Variants in SEMA6A observed in about 807,000 individuals in gnomAD.
SEMA6A encodes the protein semaphorin 6A.
SEMA6A carries 25 observed loss-of-function variants against 96.8 expected under a neutral mutation model. That is an observed-to-expected ratio of 0.26 (90% CI 0.19 to 0.36). The LOEUF (loss-of-function observed/expected upper bound fraction) is 0.36, where lower values mean the gene tolerates loss of function less well. Among genes scored for constraint, SEMA6A ranks in the 10% least tolerant of loss-of-function variants. The pLI, the probability that SEMA6A is intolerant of heterozygous loss-of-function variation, is 1.00. For synonymous variants in SEMA6A, 612 were observed against 518.0 expected (o/e 1.18, Z -2.46); for missense variants, 1,363 against 1,323.1 (o/e 1.03, Z -0.47).
At chr5:116,477,759 GGT>G in intron 15 of SEMA6A, 85 bp downstream of exon 15, 1 of 1,287,478 alleles carries the variant, frequency 7.8e-7, no homozygotes, top group Non-Finnish European at 1.1e-6. Flanking sequence ...GCTGTGTGGT[GGT>G]GTGTGTGAGC....
At position 116,444,473 on chromosome 5, in the gene SEMA6A, G is replaced by T. The variant is rs1396790455; in HGVS notation, c.*2140C>A. 1 of 152,242 alleles carries T rather than the reference G, an allele frequency of 6.6e-6. No individual in the cohort carries two copies. The highest frequency in any genetic ancestry group is 6.5e-5 in the Admixed American group (1 of 15,270). 9.4% of individuals were successfully genotyped at this position (152,242 alleles called of 1,614,324 possible). A position where few individuals can be genotyped will look rare whatever the true frequency, so the allele number is the denominator to read the frequency against. On this transcript the variant is annotated 3_prime_UTR_variant, in exon 19 of 19. Transcript: ENST00000343348. The stretch of plus-strand genomic sequence containing the variant: ...CCAGAAGATCGAACTGGAAATAAAA[G>T]CAGACAAAGAGACCACCAAATATAC...
At chr5:116,470,102 C>T (rs943783458) in intron 17 of SEMA6A, among the ~76,000 whole-genome samples, 2 of 152,080 alleles carry the variant, frequency 1.3e-5, no homozygotes, top group Admixed American at 1.3e-4. Context: ...GAAAGCAATA[C>T]CTGACTCTCA....
At chr5:116,557,901 G>A (rs1760670042) in intron 1 of SEMA6A, among the ~76,000 whole-genome samples, 1 of 152,176 alleles carries the variant, frequency 6.6e-6, no homozygotes. Context: ...TTAGAAACAA[G>A]CGATAGCACA....
At chr5:116,466,290 A>C (rs949755585) in intron 18 of SEMA6A, among the ~76,000 whole-genome samples, 1 of 151,696 alleles carries the variant, frequency 6.6e-6, no homozygotes, top group African/African-American at 2.4e-5. Flanking sequence ...AGGCAGGGAG[A>C]ATCTCTTCAA....
At chr5:116,570,886 T>G (rs1472008067) in intron 1 of SEMA6A, among the ~76,000 whole-genome samples, 2 of 152,238 alleles carry the variant, frequency 1.3e-5, no homozygotes, top group Non-Finnish European at 1.5e-5. Context: ...CATTTTTATT[T>G]GGTGAAGATA....
At chr5:116,507,873 TATA>T (rs1217892721) in intron 1 of SEMA6A, among the ~76,000 whole-genome samples, 1 of 152,248 alleles carries the variant, frequency 6.6e-6, no homozygotes, top group African/African-American at 2.4e-5. Flanking sequence ...ACTACAAAGT[TATA>T]ATCCTAATTT....
rs1754268897 is a variant in SEMA6A at position 116,447,106 on chromosome 5, C to T, written c.2600G>A (p.Gly867Glu). ...EHLSSKSPNH[G>E]VNLVENLDSL... The stretch of plus-strand genomic sequence containing the variant: ...GTCCAGGTTCTCCACAAGGTTCACC[C>T]CATGGTTGGGACTCTTGCTGCTGAG... The change falls in exon 19 of 19, where the codon GGG becomes GAG. Residue 867 changes from glycine to glutamate, a missense_variant. This residue lies in a region of SEMA6A where 883 missense variants were observed against 763.6 expected (regional missense o/e 1.16). Coordinates refer to ENST00000343348, the MANE Select transcript of SEMA6A (RefSeq NM_020796.5). 1.2e-6 allele frequency: 2 copies of T among 1,613,794 alleles called. No individual in the cohort carries two copies. Among genetic ancestry groups the T allele is most frequent in the Admixed American group, 1.7e-5 (1 of 60,008 alleles).
intron 1 of SEMA6A, among the ~76,000 whole-genome samples, chr5:116,555,232 C>T (rs1760563550): frequency 1.3e-5 from 2 of 152,174 alleles, no homozygotes; most frequent in Admixed American, 1.3e-4. Context: ...CCAAAATTAA[C>T]TCTTGTTTGC....
chr5:116,510,727 A>G (rs906814055), intron 1 of SEMA6A, among the ~76,000 whole-genome samples: 2 of 151,780 alleles, frequency 1.3e-5, no homozygotes, highest in Non-Finnish European at 2.9e-5. Flanking sequence ...TCCCCCACCC[A>G]CTTCAAGTCA....
In SEMA6A at chr5:116,444,051, A is replaced by ACT. The variant is rs201219734; in HGVS notation, c.*2560_*2561dup. 2,062 of 152,146 alleles carry ACT rather than the reference A, an allele frequency of 0.014. 22 individuals carry two copies. Among genetic ancestry groups the ACT allele is most frequent in the Non-Finnish European group, 0.02 (1,382 of 68,002 alleles). The allele number at this position is 152,146 out of a possible 1,614,324, so 9.4% of individuals were successfully genotyped here. A position where few individuals can be genotyped will look rare whatever the true frequency, so the allele number is the denominator to read the frequency against. On this transcript the variant is annotated 3_prime_UTR_variant, in exon 19 of 19. Coordinates refer to ENST00000343348, the MANE Select transcript of SEMA6A (RefSeq NM_020796.5). ...CAATGATGGGTGCTGCACTGCCAGT[A>ACT]CTCTCGGGAGTCAAGCATGGGAAAG...
Position 116,446,606 on chromosome 5 carries a change from C to T in SEMA6A, c.*7G>A. 2 of 1,472,458 alleles carry T rather than the reference C, an allele frequency of 1.4e-6. No homozygotes were observed. Among genetic ancestry groups the T allele is most frequent in the Non-Finnish European group, 1.8e-6 (2 of 1,109,512 alleles). The allele number at this position is 1,472,458 out of a possible 1,614,324, so 91.2% of individuals were successfully genotyped here. A position where few individuals can be genotyped will look rare whatever the true frequency, so the allele number is the denominator to read the frequency against. The stretch of plus-strand genomic sequence containing the variant: ...CTGGTTCGACACCTGACCCCCTCCC[C>T]CTGGGATTATGTACACGCATCATTG... On this transcript the variant is annotated 3_prime_UTR_variant, in exon 19 of 19. Coordinates refer to ENST00000343348, the MANE Select transcript of SEMA6A (RefSeq NM_020796.5).
chr5:116,547,734 T>TAAAAAAAAAAA (rs34908253), intron 1 of SEMA6A, among the ~76,000 whole-genome samples: 6 of 65,584 alleles, frequency 9.1e-5, no homozygotes, highest in Non-Finnish European at 1.4e-4. Context: ...ATCTGATACT[T>TAAAAAAAAAAA]AAAAAAAAAA....
In SEMA6A at chr5:116,446,797, T is replaced by A; in HGVS notation, c.2909A>T (p.Gln970Leu). 4 of 1,613,124 alleles carry A rather than the reference T, an allele frequency of 2.5e-6. No individual in the cohort carries two copies. Among genetic ancestry groups the A allele is most frequent in the Non-Finnish European group, 3.4e-6 (4 of 1,179,472 alleles). The change falls in exon 19 of 19, where the codon CAG becomes CTG. Residue 970 changes from glutamine (Q) to leucine (L), a missense_variant. Coordinates refer to ENST00000343348, the MANE Select transcript of SEMA6A (RefSeq NM_020796.5). ...PPAPQRVDSI[Q>L]VHSSQPSGQA... Reference sequence around the variant, plus strand: ...GCCAGATGGCTGGGAGCTGTGCACCTGGATGGAGTCCACCCTCTGCGGGGC... The same window carrying A: ...GCCAGATGGCTGGGAGCTGTGCACCAGGATGGAGTCCACCCTCTGCGGGGC...
rs1755863124 is a variant in SEMA6A, at chr5:116,467,841, TGTA to T, written c.1730-97_1730-95del. 5.3e-6 allele frequency: 7 copies of T among 1,332,344 alleles called. No homozygotes were observed. In the Admixed American group the frequency reaches 1.0e-4, roughly 20 times the overall value. 82.5% of individuals were successfully genotyped at this position (1,332,344 alleles called of 1,614,324 possible). A position where few individuals can be genotyped will look rare whatever the true frequency, so the allele number is the denominator to read the frequency against. On this transcript the variant is annotated intron_variant, in intron 17 of 18. Coordinates refer to ENST00000343348, the MANE Select transcript of SEMA6A (RefSeq NM_020796.5). ...CTGGAGGTGGGACACCCAAGCTGGC[TGTA>T]AGACTGAGAGGAGATGGCCCTAGAA...
intron 18 of SEMA6A, among the ~76,000 whole-genome samples, chr5:116,458,206 C>T (rs1755140209): frequency 6.6e-6 from 1 of 152,184 alleles, no homozygotes; most frequent in African/African-American, 2.4e-5. Context: ...TGATTCTTCA[C>T]AATTTTATCG....
chr5:116,448,196 A>AAAAAAAAAAAAAAAAAT (rs780426357), intron 18 of SEMA6A, among the ~76,000 whole-genome samples: 6 of 138,702 alleles, frequency 4.3e-5, no homozygotes, highest in African/African-American at 1.4e-4. Context: ...AAAAAAAAAA[A>AAAAAAAAAAAAAAAAAT]TTAGCCAGGC....
chr5:116,538,017 T>C (rs1454874231), intron 1 of SEMA6A, among the ~76,000 whole-genome samples: 1 of 152,014 alleles, frequency 6.6e-6, no homozygotes, highest in African/African-American at 2.4e-5. Flanking sequence ...TCTACTAAAA[T>C]ACAAAAAATT....
At chr5:116,555,563 G>C (rs191212461) in intron 1 of SEMA6A, among the ~76,000 whole-genome samples, 1 of 152,104 alleles carries the variant, frequency 6.6e-6, no homozygotes, top group Admixed American at 6.5e-5. Flanking sequence ...ACAGAGCCAG[G>C]TGCAGTGGCT....
chr5:116,542,618 A>G (rs1760019688), intron 1 of SEMA6A, among the ~76,000 whole-genome samples: 1 of 152,152 alleles, frequency 6.6e-6, no homozygotes, highest in Admixed American at 6.5e-5. Flanking sequence ...CAAATATCAC[A>G]CTCTGCTAGG....
Sources: allele counts gnomAD v4.1 joint callset (sites outside exome capture counted in the v4.1 genomes callset), GRCh38; gene constraint gnomAD v4.1.1; regional missense constraint gnomAD v4.1.1; transcripts MANE v1.5; gene names NCBI Gene and HGNC (gene_info 2026-07-23, HGNC 2026-07-21).